The following SEPTIN7 variants were observed in gnomAD, a reference collection of about 807,000 sequenced individuals.
SEPTIN7 encodes the protein septin 7.
Under a neutral mutation model 63.3 loss-of-function variants are expected in SEPTIN7, and 10 were observed. That is an observed-to-expected ratio of 0.16 (90% CI 0.10 to 0.27). The LOEUF (loss-of-function observed/expected upper bound fraction) is 0.27, where lower values mean the gene tolerates loss of function less well. Among genes scored for constraint, SEPTIN7 ranks in the 10% least tolerant of loss-of-function variants. The pLI is 1.00. For missense variants in SEPTIN7, 310 were observed against 521.0 expected (o/e 0.59, Z 3.94); for synonymous variants, 131 against 165.3 (o/e 0.79, Z 1.59).
At chr7:35,858,743 C>T (rs1175353701) in intron 3 of SEPTIN7, among the ~76,000 whole-genome samples, 4 of 150,220 alleles carry the variant, frequency 2.7e-5, no homozygotes, top group Admixed American at 1.3e-4. Flanking sequence ...TGCCAATGCA[C>T]GATCTCGGCT....
chr7:35,865,437 C>T (rs1313868610), intron 4 of SEPTIN7, among the ~76,000 whole-genome samples: 2 of 152,158 alleles, frequency 1.3e-5, no homozygotes, highest in African/African-American at 4.8e-5. Flanking sequence ...AAGATTACGT[C>T]TGTATTATTT....
chr7:35,814,212 A>G (rs1207225058), intron 1 of SEPTIN7, among the ~76,000 whole-genome samples: 1 of 152,216 alleles, frequency 6.6e-6, no homozygotes, highest in African/African-American at 2.4e-5. Flanking sequence ...ATTTTGCAAT[A>G]TATTAGTAAC....
intron 1 of SEPTIN7, among the ~76,000 whole-genome samples, chr7:35,817,877 A>T (rs1346360758): frequency 6.6e-6 from 1 of 151,044 alleles, no homozygotes; most frequent in African/African-American, 2.4e-5. Context: ...CAACTTTATT[A>T]GTTCCTGTAG....
chr7:35,845,950 T>A (rs1160483102), intron 3 of SEPTIN7, among the ~76,000 whole-genome samples: 3 of 151,372 alleles, frequency 2.0e-5, no homozygotes, highest in Non-Finnish European at 2.9e-5. Flanking sequence ...GTTGGATATT[T>A]AGATAACTCC....
downstream of SEPTIN7, among the ~76,000 whole-genome samples, chr7:35,910,132 A>C (rs943612472): frequency 4.6e-5 from 7 of 152,236 alleles, no homozygotes; most frequent in African/African-American, 1.7e-4. Flanking sequence ...AAGTAATCCA[A>C]GAGAGAGCAA....
At chr7:35,887,634 A>G (rs1583628093) in intron 10 of SEPTIN7, among the ~76,000 whole-genome samples, 1 of 152,214 alleles carries the variant, frequency 6.6e-6, no homozygotes, top group Admixed American at 6.5e-5. Flanking sequence ...GGCTTGAGCC[A>G]CCACACCCAC....
At chr7:35,805,911 T>C (rs1788305198) in intron 1 of SEPTIN7, among the ~76,000 whole-genome samples, 1 of 152,220 alleles carries the variant, frequency 6.6e-6, no homozygotes, top group Non-Finnish European at 1.5e-5. Context: ...CTGGTAGCTT[T>C]ATTGGAGGTG....
At chr7:35,904,161 CATT>C (rs781748868) in intron 13 of SEPTIN7, 90 bp from the exon 14 acceptor site, 6 of 863,194 alleles carry the variant, frequency 7.0e-6, no homozygotes, top group African/African-American at 1.8e-5. Context: ...AAAATCCCAA[CATT>C]GTTGTAATTG....
At chr7:35,867,349 A>T (rs1230303159) in intron 4 of SEPTIN7, among the ~76,000 whole-genome samples, 1 of 151,898 alleles carries the variant, frequency 6.6e-6, no homozygotes, top group Non-Finnish European at 1.5e-5. Flanking sequence ...GAAAATTTTT[A>T]TATTTATTTA....
At chr7:35,888,823 CAAAAA>C (rs70974780) in intron 10 of SEPTIN7, 375 of 187,400 alleles carry the variant, frequency 2.0e-3, no homozygotes, top group South Asian at 3.7e-3. Flanking sequence ...GACCCTGTAT[CAAAAA>C]AAAAAAAAAA....
intron 3 of SEPTIN7, among the ~76,000 whole-genome samples, chr7:35,845,983 A>G (rs1182207289): frequency 2.6e-5 from 4 of 152,004 alleles, no homozygotes; most frequent in Non-Finnish European, 5.9e-5. Context: ...GATATAACAG[A>G]TATTCAGATA....
In SEPTIN7 at chr7:35,906,093, G is replaced by A. The variant is rs777480046; in HGVS notation, c.*1800G>A. The stretch of plus-strand genomic sequence containing the variant: ...AGCCAAAATTGTTTGGTTTTAGGGA[G>A]GCTAACAATAACCTACTGAATTTGG... On this transcript the variant is annotated 3_prime_UTR_variant, in exon 14 of 14. Coordinates refer to ENST00000350320, the MANE Select transcript of SEPTIN7 (RefSeq NM_001788.6). 14 of 152,016 alleles carry A rather than the reference G, an allele frequency of 9.2e-5. No individual in the cohort carries two copies. The highest frequency in any genetic ancestry group is 2.0e-4 in the Admixed American group (3 of 15,260). 9.4% of individuals were successfully genotyped at this position (152,016 alleles called of 1,614,324 possible).
intron 1 of SEPTIN7, among the ~76,000 whole-genome samples, chr7:35,830,620 A>G (rs1268811039): frequency 6.6e-6 from 1 of 152,308 alleles, no homozygotes; most frequent in Admixed American, 6.5e-5. Context: ...TTTGTCATGG[A>G]ATAATTTTGT....
Position 35,839,832 on chromosome 7 carries a change from C to T in SEPTIN7, c.169+6932C>T, listed in dbSNP as rs998431447. Among the ~76,000 whole-genome samples the T allele has an allele frequency of 4.6e-5, 7 of 152,088 alleles. No individual in the cohort carries two copies. In the South Asian group the frequency reaches 8.3e-4, roughly 18 times the overall value. On this transcript the variant is annotated intron_variant, in intron 3 of 13. Transcript: ENST00000350320. ...CCTCCCAAAATGCTGGGATTACAGG[C>T]GTGAGCCATTGCGCCTGACCTGTAA...
chr7:35,908,200 T>G (rs3801339), downstream of SEPTIN7, among the ~76,000 whole-genome samples: 1 of 152,030 alleles, frequency 6.6e-6, no homozygotes, highest in African/African-American at 2.4e-5. Context: ...ATGAAAACTT[T>G]TGCTGCTTTT....
chr7:35,886,622 C>G (rs544922021), intron 10 of SEPTIN7, among the ~76,000 whole-genome samples: 2 of 152,314 alleles, frequency 1.3e-5, no homozygotes, highest in South Asian at 4.2e-4. Flanking sequence ...CCACTTTTCT[C>G]TCTTGCTTCT....
chr7:35,893,585 G>A (rs1695596372), intron 11 of SEPTIN7, among the ~76,000 whole-genome samples: 1 of 152,146 alleles, frequency 6.6e-6, no homozygotes, highest in Non-Finnish European at 1.5e-5. Flanking sequence ...CCGATGACAA[G>A]TGAATTTCTC....
intron 12 of SEPTIN7, chr7:35,898,624 A>T (rs1367518190): frequency 3.2e-6 from 1 of 310,400 alleles, no homozygotes; most frequent in Non-Finnish European, 6.0e-6. Context: ...TAGAATACTT[A>T]TAATGAATTA....
chr7:35,815,627 T>G (rs1373969776), intron 1 of SEPTIN7, among the ~76,000 whole-genome samples: 1 of 152,238 alleles, frequency 6.6e-6, no homozygotes, highest in Non-Finnish European at 1.5e-5. Context: ...ATGCTTTTTT[T>G]GTCTTTAGCC....
Sources: gnomAD v4.1 joint callset for allele counts (sites outside exome capture counted in the v4.1 genomes callset) on GRCh38, gnomAD v4.1.1 for gene constraint, MANE v1.5 for transcripts, NCBI Gene and HGNC (gene_info 2026-07-23, HGNC 2026-07-21) for gene names.